Variants in TRAPPC9 observed in about 807,000 individuals in gnomAD.
TRAPPC9 encodes trafficking protein particle complex subunit 9, also known as IKK2 binding protein.
In TRAPPC9, 83 loss-of-function variants were observed where a neutral mutation model predicts 124.0. The ratio of observed to expected loss-of-function variants is 0.67; its 90% CI spans 0.56 to 0.80. The LOEUF (loss-of-function observed/expected upper bound fraction) is 0.80, where lower values mean the gene tolerates loss of function less well. Ranked by LOEUF, TRAPPC9 falls within the 30% of genes least tolerant of loss-of-function variation. The pLI is 0.00. For synonymous variants in TRAPPC9, 638 were observed against 617.5 expected (o/e 1.03, Z -0.49); for missense variants, 1,302 against 1,508.3 (o/e 0.86, Z 2.27).
intron 17 of TRAPPC9, among the ~76,000 whole-genome samples, chr8:140,164,477 G>C (rs910391458): frequency 6.6e-6 from 1 of 152,184 alleles, no homozygotes; most frequent in Non-Finnish European, 1.5e-5. Context: ...GCTCTTCTGT[G>C]AACAGCTCTG....
At chr8:139,976,747 G>C (rs1473481167) in intron 19 of TRAPPC9, among the ~76,000 whole-genome samples, 1 of 152,220 alleles carries the variant, frequency 6.6e-6, no homozygotes, top group African/African-American at 2.4e-5. Flanking sequence ...AGTCTGGCAG[G>C]GAGGACTCAG....
At chr8:140,076,983 T>A (rs536119890) in intron 17 of TRAPPC9, among the ~76,000 whole-genome samples, 55 of 151,844 alleles carry the variant, frequency 3.6e-4, no homozygotes, top group Admixed American at 2.0e-3. Context: ...CTGGGCAACA[T>A]AGCAAGACTC....
intron 21 of TRAPPC9, among the ~76,000 whole-genome samples, chr8:139,746,399 A>T (rs1818890204): frequency 6.6e-6 from 1 of 152,178 alleles, no homozygotes; most frequent in African/African-American, 2.4e-5. Flanking sequence ...ATAGTCCCCC[A>T]TCTCCAGGCT....
At chr8:139,885,435 G>T (rs1829940659) in intron 21 of TRAPPC9, among the ~76,000 whole-genome samples, 1 of 152,182 alleles carries the variant, frequency 6.6e-6, no homozygotes, top group Admixed American at 6.5e-5. Flanking sequence ...CGTGGTGAGT[G>T]GGGTGAACGC....
chr8:140,127,852 C>G (rs2061126903), intron 17 of TRAPPC9, among the ~76,000 whole-genome samples: 1 of 152,126 alleles, frequency 6.6e-6, no homozygotes, highest in South Asian at 2.1e-4. Context: ...TTCTTTCTTG[C>G]CAAAAATGAG....
rs1391694931 is a variant in TRAPPC9 at position 140,104,865 on chromosome 8, C to G, written c.2557-80786G>C. On this transcript the variant is annotated intron_variant, in intron 17 of 22. Transcript: ENST00000438773. This position sits in a 1 kb window ranked among gnomAD's most constrained non-coding sequence, Gnocchi z 4.0. ...TTCCTCTTTCTAACCCTTTTAGAAA[C>G]AGTGTTAATGGCGACATTTAACGAC... 6.6e-6 allele frequency among the ~76,000 whole-genome samples: 1 copy of G among 152,234 alleles called. No individual in the cohort carries two copies. Among genetic ancestry groups the G allele is most frequent in the Admixed American group, 6.5e-5 (1 of 15,286 alleles).
chr8:139,865,613 C>T (rs946147380), intron 21 of TRAPPC9, among the ~76,000 whole-genome samples: 2 of 152,098 alleles, frequency 1.3e-5, no homozygotes, highest in African/African-American at 4.8e-5. Flanking sequence ...GGAGACACGG[C>T]AGGGAAGGGA....
intron 15 of TRAPPC9, among the ~76,000 whole-genome samples, chr8:140,264,954 A>G (rs2131575414): frequency 6.6e-6 from 1 of 152,342 alleles, no homozygotes; most frequent in East Asian, 1.9e-4. Context: ...TCCAGCACTC[A>G]GTCAACTTGC....
chr8:140,100,426 C>T (rs372318172), intron 17 of TRAPPC9: 14 of 152,242 alleles, frequency 9.2e-5, no homozygotes, highest in East Asian at 7.7e-4. Context: ...AGGTCTTCTA[C>T]TGCTGTATGC....
At chr8:139,782,838 C>T (rs1042243297) in intron 21 of TRAPPC9, among the ~76,000 whole-genome samples, 2 of 152,156 alleles carry the variant, frequency 1.3e-5, no homozygotes, top group African/African-American at 4.8e-5. Flanking sequence ...TCAAGTCATA[C>T]AATGGATGTT....
At chr8:140,124,148 A>G (rs2061038332) in intron 17 of TRAPPC9, among the ~76,000 whole-genome samples, 1 of 152,216 alleles carries the variant, frequency 6.6e-6, no homozygotes, top group Non-Finnish European at 1.5e-5. Flanking sequence ...AAATGATCAC[A>G]TATTTAGTGG....
At chr8:139,999,376 C>CA (rs1208856125) in intron 18 of TRAPPC9, among the ~76,000 whole-genome samples, 1 of 151,858 alleles carries the variant, frequency 6.6e-6, no homozygotes, top group African/African-American at 2.4e-5. Flanking sequence ...ATTAATTCAC[C>CA]AAAAATACAC....
At chr8:140,228,699 T>G (rs553973516) in intron 16 of TRAPPC9, among the ~76,000 whole-genome samples, 1 of 152,342 alleles carries the variant, frequency 6.6e-6, no homozygotes, top group African/African-American at 2.4e-5. Context: ...TGAAATGTTC[T>G]GGGTGGTTCC....
At chr8:140,073,571 C>A (rs1843315142) in intron 17 of TRAPPC9, among the ~76,000 whole-genome samples, 1 of 152,200 alleles carries the variant, frequency 6.6e-6, no homozygotes, top group Non-Finnish European at 1.5e-5. Flanking sequence ...TACAAGAGAA[C>A]TTTCTGGGGA....
At position 140,039,217 on chromosome 8, in the gene TRAPPC9, G is replaced by A. The variant is rs77010012; in HGVS notation, c.2557-15138C>T. ...GCCTGTCTGATAGGCATGGGGCCAC[G>A]TGCCCTATTAACCAGGACTATAAAC... On this transcript the variant is annotated intron_variant, in intron 17 of 22. Transcript: ENST00000438773. Among the ~76,000 whole-genome samples, 401 of 152,322 alleles carry A rather than the reference G, an allele frequency of 2.6e-3. 1 individual carries two copies. Among genetic ancestry groups the A allele is most frequent in the African/African-American group, 8.5e-3 (352 of 41,564 alleles).
intron 17 of TRAPPC9, among the ~76,000 whole-genome samples, chr8:140,122,528 T>C (rs561396718): frequency 6.6e-6 from 1 of 152,372 alleles, no homozygotes; most frequent in South Asian, 2.1e-4. Context: ...TTATTACCTC[T>C]GTGACTTGGG....
intron 21 of TRAPPC9, among the ~76,000 whole-genome samples, chr8:139,790,460 G>A (rs1822581283): frequency 6.6e-6 from 1 of 152,236 alleles, no homozygotes; most frequent in Non-Finnish European, 1.5e-5. Flanking sequence ...GGTGCTCACA[G>A]GGGAAGGCAG....
intron 11 of TRAPPC9, among the ~76,000 whole-genome samples, chr8:140,299,252 TGGTGGCAGGA>T (rs2131817005): frequency 6.6e-6 from 1 of 151,784 alleles, no homozygotes; most frequent in Admixed American, 6.6e-5. Flanking sequence ...ACCAGAGTGA[TGGTGGCAGGA>T]GGTGGCATGA....
At chr8:140,047,562 A>C (rs1007665241) in intron 17 of TRAPPC9, among the ~76,000 whole-genome samples, 1 of 152,172 alleles carries the variant, frequency 6.6e-6, no homozygotes, top group Non-Finnish European at 1.5e-5. Flanking sequence ...AGAAGGGGAC[A>C]AGAGTGGGCT....
Sources: allele counts gnomAD v4.1 joint callset (sites outside exome capture counted in the v4.1 genomes callset), GRCh38; gene constraint gnomAD v4.1.1; non-coding constraint Gnocchi (gnomAD v3.1); transcripts MANE v1.5; gene names NCBI Gene and HGNC (gene_info 2026-07-23, HGNC 2026-07-21).